IGSF11: variants seen among roughly 807,000 people sequenced by gnomAD.
IGSF11 encodes immunoglobulin superfamily member 11, also known as CXADR like 1.
IGSF11 carries 22 observed loss-of-function variants against 41.0 expected under a neutral mutation model. The observed-to-expected ratio is 0.54, with a 90% CI of 0.38 to 0.77. The LOEUF is 0.77. Ranked by LOEUF, IGSF11 falls within the 30% of genes least tolerant of loss-of-function variation. The pLI, the probability that IGSF11 is intolerant of heterozygous loss-of-function variation, is 0.00. For synonymous variants in IGSF11, 219 were observed against 201.3 expected (o/e 1.09, Z -0.74); for missense variants, 444 against 530.8 (o/e 0.84, Z 1.61).
chr3:118,965,497 T>G (rs2107608589), intron 1 of IGSF11, among the ~76,000 whole-genome samples: 1 of 151,636 alleles, frequency 6.6e-6, no homozygotes, highest in East Asian at 1.9e-4. Context: ...AATGAATCAA[T>G]GTTAGTAAAC....
intron 1 of IGSF11, among the ~76,000 whole-genome samples, chr3:119,126,060 G>GC (rs1342752660): frequency 6.6e-6 from 1 of 152,256 alleles, no homozygotes; most frequent in Non-Finnish European, 1.5e-5. Flanking sequence ...TGCTCTCTAA[G>GC]CTGTTTGAGC....
chr3:119,103,517 T>C (rs1380336825), intron 1 of IGSF11, among the ~76,000 whole-genome samples: 1 of 152,176 alleles, frequency 6.6e-6, no homozygotes, highest in African/African-American at 2.4e-5. Flanking sequence ...GATCTTCCTT[T>C]CTGCTAAGCC....
intron 1 of IGSF11, among the ~76,000 whole-genome samples, chr3:118,968,436 C>T (rs1375581700): frequency 1.3e-5 from 2 of 152,170 alleles, no homozygotes; most frequent in South Asian, 2.1e-4. Context: ...GTGAAAAGGT[C>T]CTTAATATCG....
intron 1 of IGSF11, among the ~76,000 whole-genome samples, chr3:118,935,715 C>G (rs1943221004): frequency 1.3e-5 from 2 of 152,000 alleles, no homozygotes; most frequent in Non-Finnish European, 2.9e-5. Context: ...TTAGGCCTAA[C>G]AAGAGGGCTC....
intron 1 of IGSF11, chr3:119,012,741 A>C (rs974372567): frequency 3.3e-5 from 5 of 152,178 alleles, no homozygotes; most frequent in African/African-American, 1.2e-4. Flanking sequence ...CCTTTTCTTA[A>C]ATTTAATTTA....
chr3:118,907,656 A>G (rs917915755), intron 4 of IGSF11, among the ~76,000 whole-genome samples: 1 of 152,240 alleles, frequency 6.6e-6, no homozygotes, highest in Admixed American at 6.5e-5. Context: ...ACAGCATTAA[A>G]TATGCCTCAT....
At chr3:119,012,578 C>T (rs1164483741) in intron 1 of IGSF11, among the ~76,000 whole-genome samples, 1 of 152,140 alleles carries the variant, frequency 6.6e-6, no homozygotes, top group Admixed American at 6.5e-5. Context: ...CTCAATACAA[C>T]ACCAGTAACC....
intron 1 of IGSF11, among the ~76,000 whole-genome samples, chr3:118,953,030 A>G (rs1164591782): frequency 1.3e-5 from 2 of 151,994 alleles, no homozygotes; most frequent in Non-Finnish European, 2.9e-5. Context: ...TCCAGTATGT[A>G]GTCTTTTATC....
At position 118,947,954 on chromosome 3, in the gene IGSF11, A is replaced by G. The variant is rs181712248; in HGVS notation, c.53-17679T>C. 33 of 152,358 alleles carry G rather than the reference A, an allele frequency of 2.2e-4. No individual in the cohort carries two copies. The East Asian group carries it at 6.0e-3, about 28-fold the overall frequency. The allele number at this position is 152,358 out of a possible 1,614,324, so 9.4% of individuals were successfully genotyped here. ...ATTTATTTCTATTACTATGCAGTATACTTGGATTCAGGAATACACCATAAC... is the reference window on the plus strand; with the variant it reads ...ATTTATTTCTATTACTATGCAGTATGCTTGGATTCAGGAATACACCATAAC... On this transcript the variant is annotated intron_variant, in intron 1 of 6. Transcript: ENST00000393775.
intron 1 of IGSF11, among the ~76,000 whole-genome samples, chr3:118,952,365 T>C (rs573682811): frequency 1.8e-4 from 28 of 152,182 alleles, no homozygotes; most frequent in Non-Finnish European, 3.8e-4. Flanking sequence ...TGCTGTTTGA[T>C]AGCATTTACC....
At chr3:118,905,385 ATATTTT>A (rs1487094002) in intron 5 of IGSF11, among the ~76,000 whole-genome samples, 1 of 152,214 alleles carries the variant, frequency 6.6e-6, no homozygotes, top group East Asian at 1.9e-4. Context: ...GAGGAGAAAG[ATATTTT>A]TTCATAAAGA....
At chr3:119,031,533 T>A (rs1303528960) in intron 1 of IGSF11, among the ~76,000 whole-genome samples, 1 of 152,244 alleles carries the variant, frequency 6.6e-6, no homozygotes, top group African/African-American at 2.4e-5. Flanking sequence ...TGCCACATAC[T>A]GTCACCTGGG....
chr3:119,107,967 A>G (rs2077065083), upstream of IGSF11, among the ~76,000 whole-genome samples: 1 of 150,528 alleles, frequency 6.6e-6, no homozygotes, highest in African/African-American at 2.4e-5. Context: ...TGGTACCAGT[A>G]CCATGCTGTT....
intron 1 of IGSF11, among the ~76,000 whole-genome samples, chr3:118,987,876 A>C (rs1276641269): frequency 2.0e-5 from 3 of 152,220 alleles, no homozygotes; most frequent in African/African-American, 7.2e-5. Context: ...ATGAATAACC[A>C]CAACTTTCAT....
At chr3:118,948,820 A>T (rs973228725) in intron 1 of IGSF11, among the ~76,000 whole-genome samples, 3 of 151,952 alleles carry the variant, frequency 2.0e-5, no homozygotes, top group Admixed American at 6.6e-5. Flanking sequence ...AAAATAAAAA[A>T]AAATAGCCGG....
At chr3:118,927,045 T>C (rs1348984781) in intron 3 of IGSF11, among the ~76,000 whole-genome samples, 3 of 150,126 alleles carry the variant, frequency 2.0e-5, no homozygotes, top group Non-Finnish European at 4.4e-5. Context: ...AATGAATAAA[T>C]GAATGAATGA....
At chr3:118,979,577 C>G (rs189952646) in intron 1 of IGSF11, among the ~76,000 whole-genome samples, 1 of 152,174 alleles carries the variant, frequency 6.6e-6, no homozygotes, top group East Asian at 1.9e-4. Context: ...TGTAAAACTA[C>G]AAGAAGAAAA....
At chr3:118,979,719 A>G (rs1249798306) in intron 1 of IGSF11, among the ~76,000 whole-genome samples, 3 of 152,256 alleles carry the variant, frequency 2.0e-5, no homozygotes, top group African/African-American at 7.2e-5. Flanking sequence ...ATAACAAAAG[A>G]AACAATCAAA....
At chr3:119,033,961 G>A (rs1191394439) in intron 1 of IGSF11, among the ~76,000 whole-genome samples, 1 of 152,172 alleles carries the variant, frequency 6.6e-6, no homozygotes, top group African/African-American at 2.4e-5. Context: ...GTATTGTTGA[G>A]AGCCAACTTA....
Sources: allele counts gnomAD v4.1 joint callset (sites outside exome capture counted in the v4.1 genomes callset), GRCh38; gene constraint gnomAD v4.1.1; transcripts MANE v1.5; gene names NCBI Gene and HGNC (gene_info 2026-07-23, HGNC 2026-07-21).